PAWR: variants seen among roughly 807,000 people sequenced by gnomAD.
PAWR encodes pro-apoptotic WT1 regulator, also known as PRKC apoptosis WT1 regulator protein.
Under a neutral mutation model 32.0 loss-of-function variants are expected in PAWR, and 23 were observed. That is an observed-to-expected ratio of 0.72 (90% CI 0.52 to 1.02). PAWR has a LOEUF of 1.02. Among genes scored for constraint, PAWR ranks in the 50% least tolerant of loss-of-function variants. The pLI is 0.00. For missense variants in PAWR, 457 were observed against 437.7 expected (o/e 1.04, Z -0.39); for synonymous variants, 226 against 187.1 (o/e 1.21, Z -1.70).
At chr12:79,630,699 A>G (rs1875576479) in intron 2 of PAWR, among the ~76,000 whole-genome samples, 1 of 152,150 alleles carries the variant, frequency 6.6e-6, no homozygotes, top group Admixed American at 6.5e-5. Context: ...TAACCTGAAC[A>G]GCTCTCTATC....
intron 2 of PAWR, among the ~76,000 whole-genome samples, chr12:79,674,001 G>A (rs1878038226): frequency 6.6e-6 from 1 of 151,978 alleles, no homozygotes; most frequent in African/African-American, 2.4e-5. Flanking sequence ...CAGATTTAAT[G>A]CTACTCCTAA....
rs1873420646 is a variant in PAWR, at chr12:79,587,560, C to T, written c.*5047G>A. ...CAGGCTGAACTTTTGTGCACTTCCT[C>T]ATTTATTCGAGAAACCCCACCACTA... On this transcript the variant is annotated 3_prime_UTR_variant, in exon 7 of 7. Transcript: ENST00000328827. 6.6e-6 allele frequency: 1 copy of T among 151,900 alleles called. No individual in the cohort carries two copies. Among genetic ancestry groups the T allele is most frequent in the Non-Finnish European group, 1.5e-5 (1 of 67,854 alleles). The allele number at this position is 151,900 out of a possible 1,614,324, so 9.4% of individuals were successfully genotyped here.
intron 2 of PAWR, among the ~76,000 whole-genome samples, chr12:79,629,985 T>G (rs1447173647): frequency 6.6e-6 from 1 of 151,820 alleles, no homozygotes; most frequent in Non-Finnish European, 1.5e-5. Flanking sequence ...AGAAGAAAAT[T>G]TATAACAATG....
chr12:79,646,884 C>T (rs1406799007), intron 2 of PAWR, among the ~76,000 whole-genome samples: 1 of 151,938 alleles, frequency 6.6e-6, no homozygotes, highest in East Asian at 1.9e-4. Flanking sequence ...TAAATATTAA[C>T]ATAGGCATTT....
chr12:79,688,597 A>C (rs1433341941), intron 2 of PAWR: 1 of 152,182 alleles, frequency 6.6e-6, no homozygotes, highest in Non-Finnish European at 1.5e-5. Flanking sequence ...GCTGGCTGAT[A>C]AAAATCTCTG....
chr12:79,664,505 A>C (rs1046975495), intron 2 of PAWR, among the ~76,000 whole-genome samples: 2 of 152,244 alleles, frequency 1.3e-5, no homozygotes, highest in African/African-American at 2.4e-5. Context: ...ACATGCCCTG[A>C]AAGGGCATTT....
chr12:79,624,755 G>A (rs759643280), intron 2 of PAWR, among the ~76,000 whole-genome samples: 12 of 152,160 alleles, frequency 7.9e-5, no homozygotes, highest in African/African-American at 2.9e-4. Flanking sequence ...AAGAGAAGTG[G>A]ATTCTCCTCA....
At chr12:79,665,915 G>A (rs867236605) in intron 2 of PAWR, among the ~76,000 whole-genome samples, 2 of 152,098 alleles carry the variant, frequency 1.3e-5, no homozygotes, top group Non-Finnish European at 1.5e-5. Flanking sequence ...CAATAAATAA[G>A]CATTTTAAGC....
intron 2 of PAWR, among the ~76,000 whole-genome samples, chr12:79,657,298 G>A (rs1358149320): frequency 6.6e-6 from 1 of 152,110 alleles, no homozygotes; most frequent in Non-Finnish European, 1.5e-5. Flanking sequence ...GGGTAAACTC[G>A]TGGGGGTGAT....
chr12:79,662,919 A>G (rs763184946), intron 2 of PAWR, among the ~76,000 whole-genome samples: 5 of 152,216 alleles, frequency 3.3e-5, no homozygotes, highest in Non-Finnish European at 7.3e-5. Flanking sequence ...TGTCATTAAA[A>G]ACAAAAAATA....
intron 4 of PAWR, among the ~76,000 whole-genome samples, chr12:79,605,563 A>G (rs1233856162): frequency 6.6e-6 from 1 of 151,936 alleles, no homozygotes; most frequent in African/African-American, 2.4e-5. Context: ...AATATGAAAA[A>G]TTTCTGTGTA....
At chr12:79,597,427 G>T (rs1054221534) in intron 4 of PAWR, among the ~76,000 whole-genome samples, 1 of 151,850 alleles carries the variant, frequency 6.6e-6, no homozygotes, top group African/African-American at 2.4e-5. Flanking sequence ...AATCTTTCAT[G>T]GACCAACACT....
At chr12:79,689,458 T>C (rs975446116) in intron 2 of PAWR, among the ~76,000 whole-genome samples, 1 of 152,140 alleles carries the variant, frequency 6.6e-6, no homozygotes, top group African/African-American at 2.4e-5. Context: ...GAGCCATAAG[T>C]TGTCTTTCTA....
At chr12:79,658,204 G>C (rs1428005181) in intron 2 of PAWR, among the ~76,000 whole-genome samples, 1 of 152,074 alleles carries the variant, frequency 6.6e-6, no homozygotes, top group East Asian at 1.9e-4. Flanking sequence ...TTTGCACCTG[G>C]CATTGGCACC....
intron 2 of PAWR, among the ~76,000 whole-genome samples, chr12:79,629,350 C>A (rs142562771): frequency 6.6e-6 from 1 of 151,930 alleles, no homozygotes; most frequent in African/African-American, 2.4e-5. Context: ...ACAGTCTTAT[C>A]GAAGTAGATT....
intron 4 of PAWR, among the ~76,000 whole-genome samples, chr12:79,607,390 T>G (rs1327288443): frequency 6.6e-6 from 1 of 152,050 alleles, no homozygotes; most frequent in Non-Finnish European, 1.5e-5. Flanking sequence ...TACTGAGAGA[T>G]ATATTTGGTC....
rs555869745 is a variant in PAWR at position 79,591,822 on chromosome 12, G to A, written c.*785C>T. 14 of 152,234 alleles carry A rather than the reference G, an allele frequency of 9.2e-5. No individual in the cohort carries two copies. Among genetic ancestry groups the A allele is most frequent in the African/African-American group, 1.9e-4 (8 of 41,448 alleles). The allele number at this position is 152,234 out of a possible 1,614,324, so 9.4% of individuals were successfully genotyped here. On this transcript the variant is annotated 3_prime_UTR_variant, in exon 7 of 7. Transcript: ENST00000328827. ...CTGACTTTGTACACTTTCCAGGCCC[G>A]AAGAATAAAAAACTTTTAAAATATC... is the stretch of plus-strand genomic sequence containing the variant.
chr12:79,604,182 GT>G, intron 4 of PAWR: 4 of 949,366 alleles, frequency 4.2e-6, no homozygotes, highest in Middle Eastern at 5.4e-4. Context: ...ACTCCAAAAA[GT>G]TTTTAACATT....
rs1290988569 is a variant in PAWR at position 79,690,300 on chromosome 12, C to G, written c.-56G>C. The stretch of plus-strand genomic sequence containing the variant: ...TCAGGCCGCCCACCAGGGCTCCGGC[C>G]GCTGCCTCCTCTTCCTTCCTGCGGC... On this transcript the variant is annotated 5_prime_UTR_variant, in exon 2 of 7. Coordinates refer to ENST00000328827, the MANE Select transcript of PAWR (RefSeq NM_002583.4). 177 of 1,386,806 alleles carry G rather than the reference C, an allele frequency of 1.3e-4. No homozygotes were observed. The highest frequency in any genetic ancestry group is 1.6e-4 in the Non-Finnish European group (172 of 1,071,442). The allele number at this position is 1,386,806 out of a possible 1,614,324, so 85.9% of individuals were successfully genotyped here.
Sources: allele counts gnomAD v4.1 joint callset (sites outside exome capture counted in the v4.1 genomes callset), GRCh38; gene constraint gnomAD v4.1.1; transcripts MANE v1.5; gene names NCBI Gene and HGNC (gene_info 2026-07-23, HGNC 2026-07-21).